Variants in KIF13B observed in about 807,000 individuals in gnomAD.
KIF13B encodes kinesin family member 13B.
A neutral mutation model predicts 222.0 loss-of-function variants in KIF13B; 127 were observed. The observed-to-expected ratio is 0.57, with a 90% CI of 0.50 to 0.66. KIF13B has a LOEUF of 0.66. KIF13B is among the 30% of genes least tolerant of loss of function. KIF13B has a pLI of 0.00. For synonymous variants in KIF13B, 976 were observed against 919.0 expected (o/e 1.06, Z -1.12); for missense variants, 2,173 against 2,379.0 (o/e 0.91, Z 1.80).
chr8:29,148,513 G>A (rs559057842), intron 16 of KIF13B, 64 bp downstream of exon 16: 26 of 1,255,258 alleles, frequency 2.1e-5, no homozygotes, highest in African/African-American at 2.0e-4. Context: ...GGGCTCAAGC[G>A]ATCTCCCCAC....
rs151052822 is a variant in KIF13B, at chr8:29,240,408, T to G, written c.149+4938A>C. On this transcript the variant is annotated intron_variant, in intron 2 of 39. Transcript: ENST00000524189. ...AAGAAATACAAGGGAAAGAAGAAGATCAAATTCAAGAAAGTGGTTAACTGT... is the reference window on the plus strand; with the variant it reads ...AAGAAATACAAGGGAAAGAAGAAGAGCAAATTCAAGAAAGTGGTTAACTGT... 4.9e-3 allele frequency among the ~76,000 whole-genome samples: 741 copies of G among 151,382 alleles called. 4 individuals carry two copies. Among genetic ancestry groups the G allele is most frequent in the African/African-American group, 0.017 (700 of 41,202 alleles).
At chr8:29,146,210 A>C in intron 18 of KIF13B, 168 bp downstream of exon 18, 1 of 683,616 alleles carries the variant, frequency 1.5e-6, no homozygotes, top group Non-Finnish European at 2.6e-6. Flanking sequence ...CATACACTCA[A>C]AGGTAGAGAA....
chr8:29,113,893 TCTAA>T (rs1413392563), intron 31 of KIF13B, among the ~76,000 whole-genome samples: 1 of 152,168 alleles, frequency 6.6e-6, no homozygotes, highest in African/African-American at 2.4e-5. Context: ...AAAATGACCT[TCTAA>T]CTAAGATGGA....
intron 33 of KIF13B, 32 bp downstream of exon 33, chr8:29,109,886 T>C: frequency 6.2e-7 from 1 of 1,608,372 alleles, no homozygotes; most frequent in East Asian, 2.2e-5. Context: ...TCAGGGCCTC[T>C]GCTGCCCGCC....
At chr8:29,084,589 A>C (rs919842988) in intron 37 of KIF13B, among the ~76,000 whole-genome samples, 8 of 152,234 alleles carry the variant, frequency 5.3e-5, no homozygotes, top group African/African-American at 1.9e-4. Context: ...CGGCATTGTG[A>C]CTGTGCTTTT....
chr8:29,108,089 G>C, intron 35 of KIF13B, 50 bp downstream of exon 35: 1 of 1,480,834 alleles, frequency 6.8e-7, no homozygotes, highest in Non-Finnish European at 9.3e-7. Context: ...GATGAAAGCT[G>C]AATGGGAAAT....
intron 24 of KIF13B, among the ~76,000 whole-genome samples, chr8:29,130,006 CTTA>C (rs1320358320): frequency 2.6e-5 from 4 of 152,166 alleles, no homozygotes; most frequent in Non-Finnish European, 1.5e-5. Flanking sequence ...AATCTGAATG[CTTA>C]TTATTTCTGG....
Position 29,083,596 on chromosome 8 carries a change from T to C in KIF13B, c.4459-8253A>G, listed in dbSNP as rs543950276. 3.3e-5 allele frequency among the ~76,000 whole-genome samples: 5 copies of C among 152,322 alleles called. No homozygotes were observed. The East Asian group carries it at 5.8e-4, about 18-fold the overall frequency. ...CTGACATCTCTAAGTATGTCCACTA[T>C]ATTACCTACAAATTTATGGGGCAAG... On this transcript the variant is annotated intron_variant, in intron 37 of 39. Transcript: ENST00000524189.
intron 31 of KIF13B, 140 bp downstream of exon 31, chr8:29,116,691 G>A (rs1038457934): frequency 4.0e-5 from 28 of 691,648 alleles, no homozygotes; most frequent in Non-Finnish European, 6.2e-5. Flanking sequence ...CATGGGTACA[G>A]GACAGCAGCA....
At chr8:29,196,280 T>C (rs1267157764) in intron 2 of KIF13B, 81 bp from the exon 3 acceptor site, 1 of 1,144,736 alleles carries the variant, frequency 8.7e-7, no homozygotes, top group East Asian at 2.6e-5. Context: ...GAAGACTTTT[T>C]TTGAAGGGTA....
chr8:29,213,499 T>C (rs1245387833), intron 2 of KIF13B, among the ~76,000 whole-genome samples: 2 of 152,236 alleles, frequency 1.3e-5, no homozygotes, highest in Non-Finnish European at 2.9e-5. Context: ...AATTTTAACC[T>C]GTGCAAGCAC....
intron 14 of KIF13B, among the ~76,000 whole-genome samples, chr8:29,152,672 T>G (rs528766932): frequency 1.6e-4 from 24 of 152,252 alleles, no homozygotes; most frequent in Admixed American, 4.6e-4. Flanking sequence ...GGTGTAGTGG[T>G]GTAATCTCGG....
At chr8:29,075,846 C>G (rs1213411377) in intron 37 of KIF13B, among the ~76,000 whole-genome samples, 1 of 152,160 alleles carries the variant, frequency 6.6e-6, no homozygotes. Context: ...GGAAACTAAC[C>G]CTACTCAGGA....
chr8:29,093,984 G>A (rs776426823), intron 36 of KIF13B, among the ~76,000 whole-genome samples: 18 of 152,146 alleles, frequency 1.2e-4, no homozygotes, highest in Non-Finnish European at 1.9e-4. Flanking sequence ...TTTCAAAGAT[G>A]AGGAAAAAAA....
chr8:29,143,951 C>T (rs145506025), intron 18 of KIF13B, among the ~76,000 whole-genome samples: 2 of 151,178 alleles, frequency 1.3e-5, no homozygotes, highest in South Asian at 2.1e-4. Context: ...CTTATAAGAG[C>T]AATGTGGATT....
intron 37 of KIF13B, among the ~76,000 whole-genome samples, chr8:29,080,781 C>T (rs1024190794): frequency 3.3e-5 from 5 of 152,252 alleles, no homozygotes; most frequent in East Asian, 1.9e-4. Context: ...TGCCGACCCC[C>T]GCCCGAGCCA....
chr8:29,100,469 C>T (rs1214206275), intron 35 of KIF13B, among the ~76,000 whole-genome samples: 1 of 151,810 alleles, frequency 6.6e-6, no homozygotes, highest in Non-Finnish European at 1.5e-5. Context: ...ATGATTAACT[C>T]GAGGTTTTTT....
chr8:29,206,184 G>A (rs191980528), intron 2 of KIF13B, among the ~76,000 whole-genome samples: 1 of 152,210 alleles, frequency 6.6e-6, no homozygotes, highest in East Asian at 1.9e-4. Context: ...CAGCACTTTC[G>A]GAGGCCAAGG....
At chr8:29,083,515 T>A (rs1807905745) in intron 37 of KIF13B, among the ~76,000 whole-genome samples, 1 of 151,166 alleles carries the variant, frequency 6.6e-6, no homozygotes, top group Non-Finnish European at 1.5e-5. Context: ...AAGGGAATTT[T>A]AGTTACATTT....
Sources: gnomAD v4.1 joint callset for allele counts (sites outside exome capture counted in the v4.1 genomes callset) on GRCh38, gnomAD v4.1.1 for gene constraint, MANE v1.5 for transcripts, NCBI Gene and HGNC (gene_info 2026-07-23, HGNC 2026-07-21) for gene names.